Variants in IGSF21 observed in about 807,000 individuals in gnomAD.
IGSF21 encodes immunoglobin superfamily member 21.
Under a neutral mutation model 46.8 loss-of-function variants are expected in IGSF21, and 28 were observed. The observed-to-expected ratio is 0.60, with a 90% CI of 0.44 to 0.82. The LOEUF is 0.82. Ranked by LOEUF, IGSF21 falls within the 40% of genes least tolerant of loss-of-function variation. The pLI, the probability that IGSF21 is intolerant of heterozygous loss-of-function variation, is 0.00. For missense variants in IGSF21, 624 were observed against 665.5 expected (o/e 0.94, Z 0.69); for synonymous variants, 284 against 273.6 (o/e 1.04, Z -0.38).
chr1:18,363,978 C>T (rs1405397550), intron 5 of IGSF21, among the ~76,000 whole-genome samples: 1 of 152,166 alleles, frequency 6.6e-6, no homozygotes, highest in African/African-American at 2.4e-5. Context: ...TAGACAGGTC[C>T]AGTCTCCCTA....
At chr1:18,167,197 G>C (rs2086687972) in intron 1 of IGSF21, among the ~76,000 whole-genome samples, 2 of 152,204 alleles carry the variant, frequency 1.3e-5, no homozygotes, top group African/African-American at 4.8e-5. Flanking sequence ...GAGGGCTTGA[G>C]AAGGGTGTAT....
intron 4 of IGSF21, among the ~76,000 whole-genome samples, chr1:18,344,618 G>C (rs1175636434): frequency 6.6e-6 from 1 of 152,076 alleles, no homozygotes; most frequent in African/African-American, 2.4e-5. Context: ...ACAGCTGTGG[G>C]GGAAGTGGGG....
At chr1:18,283,958 G>T (rs1414962199) in intron 2 of IGSF21, among the ~76,000 whole-genome samples, 2 of 152,156 alleles carry the variant, frequency 1.3e-5, no homozygotes, top group East Asian at 3.8e-4. Context: ...CTATAATCGG[G>T]GATGCAACAT....
chr1:18,225,085 T>TCTCTCTCTCTCA, intron 1 of IGSF21, among the ~76,000 whole-genome samples: 10 of 51,614 alleles, frequency 1.9e-4, no homozygotes, highest in East Asian at 5.5e-4. Context: ...TCTCTCTCTC[T>TCTCTCTCTCTCA]CACACACACA....
chr1:18,159,243 G>T (rs900052043), intron 1 of IGSF21, among the ~76,000 whole-genome samples: 8 of 152,222 alleles, frequency 5.3e-5, no homozygotes, highest in Non-Finnish European at 5.9e-5. Flanking sequence ...GTCTGCTGAA[G>T]ATGCTCCAAG....
chr1:18,368,643 G>T (rs945150836), intron 6 of IGSF21, among the ~76,000 whole-genome samples: 3 of 151,988 alleles, frequency 2.0e-5, no homozygotes, highest in Admixed American at 6.6e-5. Flanking sequence ...TGCTTTTCCA[G>T]CCCTTCACTC....
intron 1 of IGSF21, among the ~76,000 whole-genome samples, chr1:18,206,260 G>A (rs1031364398): frequency 2.0e-5 from 3 of 152,188 alleles, no homozygotes; most frequent in African/African-American, 7.2e-5. Flanking sequence ...GCTCAAATGT[G>A]TTCTGGGGCT....
At chr1:18,256,120 G>A (rs1223419546) in intron 2 of IGSF21, among the ~76,000 whole-genome samples, 6 of 152,124 alleles carry the variant, frequency 3.9e-5, no homozygotes, top group Non-Finnish European at 8.8e-5. Flanking sequence ...GCCATGCAAT[G>A]GGGCTTCTTT....
intron 3 of IGSF21, among the ~76,000 whole-genome samples, chr1:18,293,985 C>T (rs2124567878): frequency 6.6e-6 from 1 of 152,346 alleles, no homozygotes; most frequent in South Asian, 2.1e-4. Flanking sequence ...CAGTCTCTGC[C>T]TACTGTATGA....
At chr1:18,215,310 A>G (rs12031710) in intron 1 of IGSF21, among the ~76,000 whole-genome samples, 15,275 of 152,300 alleles carry the variant, frequency 0.1, 857 homozygotes, top group East Asian at 0.14. Context: ...GTGGCCAGCA[A>G]CACGCAAAGC....
Position 18,365,219 on chromosome 1 carries a change from G to A in IGSF21, c.541-4G>A. ...ATTTTCCCACACCCTCCTTACAATG[G>A]CAGGTTTATTTCAAACGAGATGGGG... On this transcript the variant is annotated splice_region_variant and splice_polypyrimidine_tract_variant and intron_variant, in intron 5 of 9. Coordinates refer to ENST00000251296, the MANE Select transcript of IGSF21 (RefSeq NM_032880.5). The surrounding 1 kb of genome is among the most constrained non-coding windows in gnomAD (Gnocchi z 4.8). 6.3e-7 allele frequency: 1 copy of A among 1,587,420 alleles called. No homozygotes were observed. Among genetic ancestry groups the A allele is most frequent in the Non-Finnish European group, 8.6e-7 (1 of 1,162,794 alleles).
chr1:18,201,718 G>A (rs11260954), intron 1 of IGSF21, among the ~76,000 whole-genome samples: 42,072 of 151,884 alleles, frequency 0.28, 7,101 homozygotes, highest in East Asian at 0.58. Flanking sequence ...GGTGTGTGTC[G>A]GGGGGTCTGT....
intron 2 of IGSF21, among the ~76,000 whole-genome samples, chr1:18,276,281 C>G (rs2085102067): frequency 6.6e-6 from 1 of 152,192 alleles, no homozygotes; most frequent in African/African-American, 2.4e-5. Flanking sequence ...GGCGGCTGAT[C>G]TGGTCTGCAG....
intron 1 of IGSF21, among the ~76,000 whole-genome samples, chr1:18,132,091 C>A (rs2124417268): frequency 6.6e-6 from 1 of 152,298 alleles, no homozygotes; most frequent in East Asian, 1.9e-4. Context: ...TCTTATTGAT[C>A]CTGGCTTATT....
chr1:18,145,871 G>T (rs1287891456), intron 1 of IGSF21, among the ~76,000 whole-genome samples: 2 of 152,164 alleles, frequency 1.3e-5, no homozygotes, highest in East Asian at 1.9e-4. Context: ...GAGGAACTTT[G>T]GTTGCTCCTT....
chr1:18,205,722 A>G (rs775030500), intron 1 of IGSF21, among the ~76,000 whole-genome samples: 19 of 152,250 alleles, frequency 1.2e-4, no homozygotes, highest in Non-Finnish European at 1.5e-5. Context: ...GGTGATCTAT[A>G]TGAAGAATTC....
chr1:18,222,340 T>G (rs2084518592), intron 1 of IGSF21, among the ~76,000 whole-genome samples: 1 of 152,200 alleles, frequency 6.6e-6, no homozygotes, highest in South Asian at 2.1e-4. Context: ...CTGAATCTTC[T>G]CTTCTCTCCA....
In IGSF21 at chr1:18,376,475, C is replaced by G. The variant is rs1292954503; in HGVS notation, c.1101+80C>G. 4.0e-6 allele frequency: 4 copies of G among 989,340 alleles called. No individual in the cohort carries two copies. In the African/African-American group the frequency reaches 4.8e-5, roughly 12 times the overall value. 61.3% of individuals were successfully genotyped at this position (989,340 alleles called of 1,614,324 possible). A position where few individuals can be genotyped will look rare whatever the true frequency, so the allele number is the denominator to read the frequency against. On this transcript the variant is annotated intron_variant, in intron 7 of 9. Transcript: ENST00000251296. ...CCCAGCACCAGCATTCCTGGCAGTC[C>G]TCTCTAACACTCTTCCTTTGATCCC...
intron 1 of IGSF21, among the ~76,000 whole-genome samples, chr1:18,155,272 G>A (rs1266157828): frequency 6.6e-6 from 1 of 152,170 alleles, no homozygotes; most frequent in Non-Finnish European, 1.5e-5. Context: ...GACATAGAGA[G>A]AGCCTCGCCC....
Sources: gnomAD v4.1 joint callset for allele counts (sites outside exome capture counted in the v4.1 genomes callset) on GRCh38, gnomAD v4.1.1 for gene constraint, Gnocchi (gnomAD v3.1) non-coding constraint, MANE v1.5 for transcripts, NCBI Gene and HGNC (gene_info 2026-07-23, HGNC 2026-07-21) for gene names.